Variants in CNR1 observed in about 807,000 individuals in gnomAD.
The protein encoded by CNR1 is cannabinoid receptor 1 (brain).
In CNR1, 10 loss-of-function variants were observed where a neutral mutation model predicts 23.0. The observed-to-expected ratio is 0.43, with a 90% CI of 0.27 to 0.74. The LOEUF (loss-of-function observed/expected upper bound fraction) is 0.74. Among genes scored for constraint, CNR1 ranks in the 30% least tolerant of loss-of-function variants. The probability of loss-of-function intolerance (pLI) is 0.19; values close to 1 mark genes in which losing one functional copy is unlikely to be tolerated. For missense variants in CNR1, 422 were observed against 618.8 expected, an observed-to-expected ratio of 0.68 and a Z score of 3.37; for synonymous variants, 271 against 255.2, an observed-to-expected ratio of 1.06 and a Z score of -0.59.
intron 1 of CNR1, among the ~76,000 whole-genome samples, chr6:88,153,507 T>C (rs1004727625): frequency 3.7e-4 from 56 of 152,218 alleles, no homozygotes; most frequent in African/African-American, 1.2e-3. Context: ...AGTGTCTACA[T>C]TGACAGGAGT....
At chr6:88,157,169 A>G (rs940979529) in intron 1 of CNR1, among the ~76,000 whole-genome samples, 15 of 152,210 alleles carry the variant, frequency 9.9e-5, no homozygotes, top group Non-Finnish European at 2.9e-5. Context: ...TTTAAAGACA[A>G]TATATGAAAT....
chr6:88,161,586 CT>C (rs1778110459), intron 1 of CNR1, among the ~76,000 whole-genome samples: 1 of 152,106 alleles, frequency 6.6e-6, no homozygotes, highest in South Asian at 2.1e-4. Context: ...ATTATGGGGC[CT>C]TGTTAAATCA....
At chr6:88,158,180 G>A (rs1005314109) in intron 1 of CNR1, among the ~76,000 whole-genome samples, 1 of 152,200 alleles carries the variant, frequency 6.6e-6, no homozygotes, top group African/African-American at 2.4e-5. Context: ...AATATGCTCT[G>A]GAAATGTAGT....
intron 1 of CNR1, among the ~76,000 whole-genome samples, chr6:88,146,357 C>T (rs184644215): frequency 5.8e-4 from 88 of 152,278 alleles, no homozygotes; most frequent in African/African-American, 1.9e-3. Context: ...CCACCTGCCT[C>T]GGCCTCCCAA....
chr6:88,167,003 G>C (rs1366196491), upstream of CNR1, among the ~76,000 whole-genome samples: 3 of 151,862 alleles, frequency 2.0e-5, no homozygotes, highest in South Asian at 2.1e-4. Context: ...CTCCGCCCTC[G>C]GGGCGCCGCC....
At chr6:88,148,868 A>G (rs988560001) in intron 1 of CNR1, among the ~76,000 whole-genome samples, 1 of 152,238 alleles carries the variant, frequency 6.6e-6, no homozygotes. Flanking sequence ...CTTTTACAAG[A>G]TCACTGTAGC....
At chr6:88,150,223 C>T in intron 1 of CNR1, among the ~76,000 whole-genome samples, 1 of 152,198 alleles carries the variant, frequency 6.6e-6, no homozygotes, top group East Asian at 1.9e-4. Flanking sequence ...CAACTGGAAA[C>T]TAGTTTATCA....
chr6:88,161,264 G>T (rs1308176955), intron 1 of CNR1, among the ~76,000 whole-genome samples: 6 of 152,172 alleles, frequency 3.9e-5, no homozygotes, highest in Non-Finnish European at 7.3e-5. Context: ...TTCTCCAGCT[G>T]GGGCTCAAAT....
At chr6:88,153,723 T>G (rs754966818) in intron 1 of CNR1, among the ~76,000 whole-genome samples, 2 of 152,220 alleles carry the variant, frequency 1.3e-5, no homozygotes, top group Non-Finnish European at 2.9e-5. Context: ...ATCAAGAAAA[T>G]ACTGTGCTAA....
chr6:88,160,332 T>C (rs1297110174), intron 1 of CNR1, among the ~76,000 whole-genome samples: 5 of 152,258 alleles, frequency 3.3e-5, no homozygotes, highest in Admixed American at 6.5e-5. Flanking sequence ...ACATCATTTT[T>C]AGCTTTTTGA....
At chr6:88,146,559 C>A (rs1777199165) in intron 1 of CNR1, among the ~76,000 whole-genome samples, 1 of 152,168 alleles carries the variant, frequency 6.6e-6, no homozygotes, top group Admixed American at 6.5e-5. Context: ...AAGGCCCAAA[C>A]TTTAAGGTTC....
chr6:88,143,812 A>G lies in CNR1; in HGVS notation c.*44T>C. On this transcript the variant is annotated 3_prime_UTR_variant, in exon 2 of 2. Transcript: ENST00000369501. ...ATAGACTCTTCTAGATTTTGAGCTT[A>G]AAAAAAAAAATTCTTTTCCTGTGCT... 8.2e-6 allele frequency: 8 copies of G among 973,066 alleles called. No individual in the cohort carries two copies. The highest frequency in any genetic ancestry group is 1.2e-5 in the Non-Finnish European group (8 of 686,482). The allele number at this position is 973,066 out of a possible 1,614,324, so 60.3% of individuals were successfully genotyped here. A position where few individuals can be genotyped will look rare whatever the true frequency, so the allele number is the denominator to read the frequency against.
At chr6:88,163,005 C>A (rs1168826598) in intron 1 of CNR1, 1 of 152,178 alleles carries the variant, frequency 6.6e-6, no homozygotes, top group African/African-American at 2.4e-5. Flanking sequence ...AAGCTCTCAT[C>A]TATGTTCTTT....
At chr6:88,160,349 G>A (rs1778029021) in intron 1 of CNR1, among the ~76,000 whole-genome samples, 2 of 151,060 alleles carry the variant, frequency 1.3e-5, no homozygotes, top group African/African-American at 4.9e-5. Flanking sequence ...TTGACCCGAA[G>A]AAATCAATGT....
chr6:88,146,910 T>C (rs1198593157), intron 1 of CNR1, among the ~76,000 whole-genome samples: 1 of 152,200 alleles, frequency 6.6e-6, no homozygotes, highest in African/African-American at 2.4e-5. Flanking sequence ...CATTTATTCA[T>C]GTATTAACAA....
chr6:88,144,316 T>C lies in CNR1; in HGVS notation c.959A>G (p.His320Arg), dbSNP rs1347432852. The C allele has an allele frequency of 1.2e-6, 2 of 1,612,782 alleles. No homozygotes were observed. The highest frequency in any genetic ancestry group is 1.7e-6 in the Non-Finnish European group (2 of 1,179,940). ...QRGTQKSIII[H>R]TSEDGKVQVT... ...CTGTACCTTCCCATCCTCAGACGTG[T>C]GGATGATGATGCTCTTCTGGGTGCC... The change falls in exon 2 of 2, where the codon CAC becomes CGC. Residue 320 changes from histidine to arginine, a missense_variant. His to Arg is a conservative substitution (Grantham distance 29). Coordinates refer to ENST00000369501, the MANE Select transcript of CNR1 (RefSeq NM_016083.6). The surrounding 1 kb of genome is among the most constrained non-coding windows in gnomAD (Gnocchi z 7.8).
intron 1 of CNR1, among the ~76,000 whole-genome samples, chr6:88,146,572 C>T (rs143127120): frequency 1.3e-5 from 2 of 152,262 alleles, no homozygotes; most frequent in African/African-American, 4.8e-5. Flanking sequence ...TAAGGTTCTT[C>T]GATTCTAAGC....
At chr6:88,165,452 C>T (rs113210284) in intron 1 of CNR1, among the ~76,000 whole-genome samples, 120 of 152,182 alleles carry the variant, frequency 7.9e-4, no homozygotes, top group African/African-American at 2.7e-3. Flanking sequence ...CAGCAGAGAT[C>T]GATGTATTTC....
At position 88,143,422 on chromosome 6, in the gene CNR1, A is replaced by G. The variant is rs1271155196; in HGVS notation, c.*434T>C. 1.2e-5 allele frequency: 2 copies of G among 171,662 alleles called. No homozygotes were observed. Among genetic ancestry groups the G allele is most frequent in the South Asian group, 1.5e-4 (1 of 6,804 alleles). 10.6% of individuals were successfully genotyped at this position (171,662 alleles called of 1,614,324 possible). ...AACACTGATACACATCTCACAGGAC[A>G]TAATACATTTTACAAAATATCTCTA... On this transcript the variant is annotated 3_prime_UTR_variant, in exon 2 of 2. Transcript: ENST00000369501.
Sources: gnomAD v4.1 joint callset for allele counts (sites outside exome capture counted in the v4.1 genomes callset) on GRCh38, gnomAD v4.1.1 for gene constraint, Gnocchi (gnomAD v3.1) non-coding constraint, MANE v1.5 for transcripts, NCBI Gene and HGNC (gene_info 2026-07-23, HGNC 2026-07-21) for gene names.